Variants in MON2 observed in about 807,000 individuals in gnomAD.
The protein encoded by MON2 is MON2 regulator of endosome-to-Golgi trafficking.
Under a neutral mutation model 208.6 loss-of-function variants are expected in MON2, and 84 were observed. The observed-to-expected ratio is 0.40, with a 90% confidence interval of 0.34 to 0.48. The LOEUF is 0.48. Among genes scored for constraint, MON2 ranks in the 20% least tolerant of loss-of-function variants. MON2 has a pLI of 0.59. For missense variants in MON2, 1,611 were observed against 2,015.4 expected, an observed-to-expected ratio of 0.80 and a Z score of 3.84; for synonymous variants, 660 against 694.0, an observed-to-expected ratio of 0.95 and a Z score of 0.77.
intron 29 of MON2, among the ~76,000 whole-genome samples, chr12:62,570,836 G>T (rs186034591): frequency 1.1e-3 from 163 of 143,930 alleles, no homozygotes; most frequent in African/African-American, 4.0e-3. Context: ...GGGTTCAAGC[G>T]ATTCTCTGCC....
At chr12:62,530,832 A>G (rs1477729044) in intron 11 of MON2, among the ~76,000 whole-genome samples, 2 of 152,216 alleles carry the variant, frequency 1.3e-5, no homozygotes, top group Admixed American at 1.3e-4. Flanking sequence ...CCAAGCAACT[A>G]TATCATTTTA....
At chr12:62,545,070 G>T in intron 21 of MON2, 62 bp downstream of exon 21, 1 of 1,086,712 alleles carries the variant, frequency 9.2e-7, no homozygotes, top group Non-Finnish European at 1.3e-6. Context: ...CTCCATATGT[G>T]ATTTTTTTCT....
chr12:62,511,011 A>C (rs1484524470), intron 8 of MON2, among the ~76,000 whole-genome samples: 1 of 152,206 alleles, frequency 6.6e-6, no homozygotes, highest in East Asian at 1.9e-4. Context: ...TTCATTTGCA[A>C]AGTACCAAAA....
intron 1 of MON2, among the ~76,000 whole-genome samples, chr12:62,476,594 A>C (rs10784298): frequency 0.67 from 102,275 of 151,828 alleles, 34,693 homozygotes; most frequent in African/African-American, 0.77. Flanking sequence ...ACCACTACTG[A>C]CCGGCTAATT....
intron 1 of MON2, among the ~76,000 whole-genome samples, chr12:62,480,565 C>G (rs2069358900): frequency 6.6e-6 from 1 of 152,124 alleles, no homozygotes; most frequent in Admixed American, 6.5e-5. Context: ...GACCTGGTCT[C>G]AAAATGAAAA....
At position 62,538,482 on chromosome 12, in the gene MON2, G is replaced by A; in HGVS notation, c.2341G>A (p.Asp781Asn). 6.2e-7 allele frequency: 1 copy of A among 1,605,272 alleles called. No individual in the cohort carries two copies. Among genetic ancestry groups the A allele is most frequent in the Non-Finnish European group, 8.5e-7 (1 of 1,172,562 alleles). The change falls in exon 19 of 35, where the codon GAT becomes AAT. Residue 781 changes from aspartate (D) to asparagine (N), a missense_variant. By Grantham distance (23) the Asp-to-Asn change is conservative. Coordinates refer to ENST00000393630, the MANE Select transcript of MON2 (RefSeq NM_015026.3). Reference protein sequence around the residue: ...ALCSLSLEAMDMAYGNNKEPS... With the variant: ...ALCSLSLEAMNMAYGNNKEPS... Reference sequence around the variant, plus strand: ...TTGCTCCTTGTCTCTAGAAGCAATGGATATGGCCTATGGAAATAATAAGGT... The same window carrying A: ...TTGCTCCTTGTCTCTAGAAGCAATGAATATGGCCTATGGAAATAATAAGGT...
chr12:62,469,277 T>A (rs2068671644), intron 1 of MON2, among the ~76,000 whole-genome samples: 1 of 152,092 alleles, frequency 6.6e-6, no homozygotes, highest in Non-Finnish European at 1.5e-5. Flanking sequence ...GCCCAGGCGG[T>A]CAAGGCTGCA....
At chr12:62,485,317 A>T (rs1263742201) in intron 2 of MON2, among the ~76,000 whole-genome samples, 1 of 152,244 alleles carries the variant, frequency 6.6e-6, no homozygotes, top group Non-Finnish European at 1.5e-5. Flanking sequence ...ATAGTAAATA[A>T]TCTCTTTAAC....
intron 1 of MON2, among the ~76,000 whole-genome samples, chr12:62,476,549 C>T (rs1386281289): frequency 6.6e-6 from 1 of 152,012 alleles, no homozygotes; most frequent in Non-Finnish European, 1.5e-5. Flanking sequence ...ATTCTCTTGC[C>T]TCAGCCTCCT....
At chr12:62,514,170 C>G (rs1472900275) in intron 8 of MON2, among the ~76,000 whole-genome samples, 9 of 152,180 alleles carry the variant, frequency 5.9e-5, no homozygotes, top group African/African-American at 2.2e-4. Flanking sequence ...ATGTCCTTAT[C>G]AGCATTTTGG....
At chr12:62,578,196 T>A (rs539168165) in intron 30 of MON2, among the ~76,000 whole-genome samples, 1 of 152,312 alleles carries the variant, frequency 6.6e-6, no homozygotes, top group South Asian at 2.1e-4. Flanking sequence ...GAAATAAGTT[T>A]AGTTCTACAG....
chr12:62,508,639 C>G, intron 8 of MON2, 159 bp downstream of exon 8: 1 of 614,590 alleles, frequency 1.6e-6, no homozygotes, highest in Non-Finnish European at 2.9e-6. Flanking sequence ...TTTGTTCTAT[C>G]CTTTCTTGAA....
In MON2 at chr12:62,589,897, G is replaced by C. The variant is rs1204882366; in HGVS notation, c.4990+1741G>C. ...ACTAAATGAATGTTAAAAAATTGTT[G>C]AATGGAGTTTGAATTATGTCTCTGG... On this transcript the variant is annotated intron_variant, in intron 34 of 34. Coordinates refer to ENST00000393630, the MANE Select transcript of MON2 (RefSeq NM_015026.3). Among the ~76,000 whole-genome samples the C allele has an allele frequency of 5.3e-5, 8 of 152,114 alleles. No individual in the cohort carries two copies. The South Asian group carries it at 1.4e-3, about 28-fold the overall frequency.
chr12:62,592,477 A>G lies in MON2; in HGVS notation c.4991-109A>G, dbSNP rs999951793. Reference sequence around the variant, plus strand: ...AAAGATACAAGCTTGTAGAATCTTCATGTTTCAGAGTTTTTTCTTTACATG... The same window carrying G: ...AAAGATACAAGCTTGTAGAATCTTCGTGTTTCAGAGTTTTTTCTTTACATG... On this transcript the variant is annotated intron_variant, in intron 34 of 34. Transcript: ENST00000393630. 3.7e-6 allele frequency: 3 copies of G among 805,536 alleles called. No individual in the cohort carries two copies. The East Asian group carries it at 8.0e-5, about 21-fold the overall frequency. The allele number at this position is 805,536 out of a possible 1,614,324, so 49.9% of individuals were successfully genotyped here. A position where few individuals can be genotyped will look rare whatever the true frequency, so the allele number is the denominator to read the frequency against.
chr12:62,485,547 C>A (rs951747762), intron 2 of MON2, among the ~76,000 whole-genome samples: 1 of 152,068 alleles, frequency 6.6e-6, no homozygotes, highest in East Asian at 1.9e-4. Flanking sequence ...TGATTTTGAA[C>A]AGTCTTATCA....
At chr12:62,531,636 A>G (rs2072649517) in intron 11 of MON2, among the ~76,000 whole-genome samples, 2 of 152,164 alleles carry the variant, frequency 1.3e-5, no homozygotes, top group Non-Finnish European at 2.9e-5. Flanking sequence ...TTTGAACTTG[A>G]CACACTGATG....
At chr12:62,565,210 T>C in intron 26 of MON2, 27 bp from the exon 27 acceptor site, 1 of 1,604,478 alleles carries the variant, frequency 6.2e-7, no homozygotes, top group South Asian at 1.1e-5. Flanking sequence ...GATTATGCAT[T>C]CTAATGTTCT....
intron 1 of MON2, among the ~76,000 whole-genome samples, chr12:62,478,298 T>A (rs2069205114): frequency 6.6e-6 from 1 of 152,152 alleles, no homozygotes; most frequent in Non-Finnish European, 1.5e-5. Flanking sequence ...ATTATTCTTA[T>A]AGGTAGTATG....
intron 32 of MON2, among the ~76,000 whole-genome samples, chr12:62,581,322 T>A (rs2074996421): frequency 6.6e-6 from 1 of 152,046 alleles, no homozygotes; most frequent in African/African-American, 2.4e-5. Context: ...GATCCCAAGG[T>A]GGGAGGATCG....
Sources: allele counts gnomAD v4.1 joint callset (sites outside exome capture counted in the v4.1 genomes callset), GRCh38; gene constraint gnomAD v4.1.1; transcripts MANE v1.5; gene names NCBI Gene and HGNC (gene_info 2026-07-23, HGNC 2026-07-21).